The following VPS13B variants were observed in gnomAD, a reference collection of about 807,000 sequenced individuals.
VPS13B encodes the protein vacuolar protein sorting 13 homolog B.
A neutral mutation model predicts 426.4 loss-of-function variants in VPS13B; 285 were observed. The ratio of observed to expected loss-of-function variants is 0.67; its 90% CI spans 0.61 to 0.74. VPS13B has a LOEUF of 0.74. Ranked by LOEUF, VPS13B falls within the 30% of genes least tolerant of loss-of-function variation. The probability of loss-of-function intolerance (pLI) is 0.00; values close to 1 mark genes in which losing one functional copy is unlikely to be tolerated. For synonymous variants in VPS13B, 1,676 were observed against 1,676.4 expected (o/e 1.00, Z 0.01); for missense variants, 4,537 against 4,782.6 (o/e 0.95, Z 1.51).
intron 7 of VPS13B, 70 bp from the exon 8 acceptor site, chr8:99,121,107 G>C: frequency 6.8e-7 from 1 of 1,470,332 alleles, no homozygotes; most frequent in East Asian, 2.4e-5. Context: ...AAATTTTAAA[G>C]GATGTCTATT....
In VPS13B at chr8:99,520,689, T is replaced by C. The variant is rs1351163352; in HGVS notation, c.4634-210T>C. Among the ~76,000 whole-genome samples the C allele has an allele frequency of 2.6e-5, 4 of 152,120 alleles. No individual in the cohort carries two copies. In the East Asian group the frequency reaches 5.8e-4, roughly 22 times the overall value. On this transcript the variant is annotated intron_variant, in intron 29 of 61. Transcript: ENST00000357162. ...TTCTTTGCTATTTTAATTGTGTATT[T>C]TAACAGGAAACCACTTAATGGGTAT...
intron 58 of VPS13B, among the ~76,000 whole-genome samples, chr8:99,863,018 T>C (rs1237569364): frequency 6.6e-6 from 1 of 152,140 alleles, no homozygotes; most frequent in East Asian, 1.9e-4. Flanking sequence ...GGGAAGGTGG[T>C]GTGGCAGTGG....
At chr8:99,574,588 TA>T (rs1321644198) in intron 31 of VPS13B, among the ~76,000 whole-genome samples, 4 of 152,348 alleles carry the variant, frequency 2.6e-5, no homozygotes, top group Admixed American at 2.0e-4. Flanking sequence ...GTTCTGTTTA[TA>T]TGCTGGATTG....
At position 99,749,460 on chromosome 8, in the gene VPS13B, T is replaced by A. The variant is rs1317628346; in HGVS notation, c.7051-17314T>A. ...TCCATGAGTTCAATCATTTCAATTT[T>A]TAGCTCCCACAAATGAGTGAGAGCA... On this transcript the variant is annotated intron_variant, in intron 39 of 61. Transcript: ENST00000357162. Among the ~76,000 whole-genome samples the A allele has an allele frequency of 2.0e-5, 3 of 152,110 alleles. No homozygotes were observed. In the East Asian group the frequency reaches 5.8e-4, roughly 29 times the overall value.
At chr8:99,440,130 C>T (rs963634747) in intron 22 of VPS13B, among the ~76,000 whole-genome samples, 1 of 152,054 alleles carries the variant, frequency 6.6e-6, no homozygotes, top group Non-Finnish European at 1.5e-5. Context: ...TCAGTATTGG[C>T]AAAAGAACAC....
At chr8:99,203,724 C>T (rs752995394) in intron 17 of VPS13B, among the ~76,000 whole-genome samples, 26 of 152,120 alleles carry the variant, frequency 1.7e-4, no homozygotes, top group Non-Finnish European at 2.9e-4. Context: ...CAATAATAGA[C>T]AAACAGCCAA....
intron 19 of VPS13B, chr8:99,340,959 AT>A: frequency 3.6e-6 from 1 of 280,894 alleles, no homozygotes. Context: ...CCCCTGGCTC[AT>A]TTTATTGTCT....
At chr8:99,133,187 T>C (rs537544398) in intron 8 of VPS13B, among the ~76,000 whole-genome samples, 2 of 152,348 alleles carry the variant, frequency 1.3e-5, no homozygotes, top group South Asian at 4.1e-4. Flanking sequence ...TCTGGGTAAC[T>C]GCGTGCAGCT....
chr8:99,365,979 T>C (rs1812859407), intron 19 of VPS13B, among the ~76,000 whole-genome samples: 1 of 152,078 alleles, frequency 6.6e-6, no homozygotes. Context: ...TTGTTTTTTT[T>C]TTTTAATGTT....
At chr8:99,269,430 G>A (rs1818463383) in intron 17 of VPS13B, among the ~76,000 whole-genome samples, 1 of 152,066 alleles carries the variant, frequency 6.6e-6, no homozygotes, top group Non-Finnish European at 1.5e-5. Flanking sequence ...TTGTCCTTTT[G>A]ACTCATGTCA....
intron 16 of VPS13B, among the ~76,000 whole-genome samples, chr8:99,179,586 T>C (rs10808362): frequency 6.6e-6 from 1 of 151,996 alleles, no homozygotes; most frequent in South Asian, 2.1e-4. Flanking sequence ...ACCTGGTCAC[T>C]TCCCCTCTAA....
chr8:99,728,456 A>G (rs1005727369), intron 39 of VPS13B, among the ~76,000 whole-genome samples: 1 of 152,214 alleles, frequency 6.6e-6, no homozygotes, highest in Non-Finnish European at 1.5e-5. Context: ...AATTATTATG[A>G]CACATCATAA....
intron 35 of VPS13B, among the ~76,000 whole-genome samples, chr8:99,667,446 T>C (rs1187631244): frequency 6.6e-6 from 1 of 152,206 alleles, no homozygotes; most frequent in Admixed American, 6.5e-5. Context: ...AAATCAAATA[T>C]AATATCCAAT....
intron 2 of VPS13B, among the ~76,000 whole-genome samples, chr8:99,031,721 C>T (rs1052025192): frequency 6.6e-6 from 1 of 152,116 alleles, no homozygotes; most frequent in Non-Finnish European, 1.5e-5. Flanking sequence ...TTTGTGGAGG[C>T]AGTGGTGTGG....
intron 19 of VPS13B, among the ~76,000 whole-genome samples, chr8:99,309,358 A>G (rs1203762960): frequency 6.6e-6 from 1 of 152,198 alleles, no homozygotes; most frequent in Non-Finnish European, 1.5e-5. Flanking sequence ...TAATTTTTGT[A>G]TAAGGTGTAA....
rs572866078 is a variant in VPS13B, at chr8:99,114,761, T to C, written c.763-939T>C. ...CCTTCACATACATTTTTTTATGTGC[T>C]TTGCACCCTAAAAATACGATGATTA... On this transcript the variant is annotated intron_variant, in intron 6 of 61. Transcript: ENST00000357162. Among the ~76,000 whole-genome samples, 171 of 152,328 alleles carry C rather than the reference T, an allele frequency of 1.1e-3. 1 individual carries two copies. The highest frequency in any genetic ancestry group is 1.8e-3 in the Non-Finnish European group (122 of 68,026).
Position 99,535,596 on chromosome 8 carries a change from T to C in VPS13B, c.4745+14586T>C, listed in dbSNP as rs529145523. Among the ~76,000 whole-genome samples the C allele has an allele frequency of 2.0e-5, 3 of 152,326 alleles. No homozygotes were observed. The East Asian group carries it at 5.8e-4, about 29-fold the overall frequency. ...AAAGTCAGTGCATAGCTAATTTTTT[T>C]CTTTTTACTTTTTTCATTTTTTAAA... is the stretch of plus-strand genomic sequence containing the variant. On this transcript the variant is annotated intron_variant, in intron 30 of 61. Coordinates refer to ENST00000357162, the MANE Select transcript of VPS13B (RefSeq NM_152564.5).
At chr8:99,788,702 T>G (rs949446277) in intron 43 of VPS13B, among the ~76,000 whole-genome samples, 20 of 152,170 alleles carry the variant, frequency 1.3e-4, no homozygotes, top group African/African-American at 4.3e-4. Flanking sequence ...TTCATATAAT[T>G]TTCAAACATC....
intron 17 of VPS13B, among the ~76,000 whole-genome samples, chr8:99,207,592 A>G (rs1276547477): frequency 1.3e-5 from 2 of 152,226 alleles, no homozygotes; most frequent in Non-Finnish European, 2.9e-5. Flanking sequence ...AAAGTAGGCA[A>G]TATGAATTTA....
Sources: gnomAD v4.1 joint callset for allele counts (sites outside exome capture counted in the v4.1 genomes callset) on GRCh38, gnomAD v4.1.1 for gene constraint, MANE v1.5 for transcripts, NCBI Gene and HGNC (gene_info 2026-07-23, HGNC 2026-07-21) for gene names.